The following SENP5 variants were observed in gnomAD, a reference collection of about 807,000 sequenced individuals.
The protein encoded by SENP5 is SUMO specific peptidase 5.
Under a neutral mutation model 74.2 loss-of-function variants are expected in SENP5, and 21 were observed. The observed-to-expected ratio is 0.28, with a 90% CI of 0.20 to 0.41. The LOEUF (loss-of-function observed/expected upper bound fraction) is 0.41, where lower values mean the gene tolerates loss of function less well. SENP5 is among the 10% of genes least tolerant of loss of function. The probability of loss-of-function intolerance (pLI) is 1.00; values close to 1 mark genes in which losing one functional copy is unlikely to be tolerated. For synonymous variants in SENP5, 311 were observed against 312.7 expected (o/e 0.99, Z 0.06); for missense variants, 717 against 889.1 (o/e 0.81, Z 2.46).
At chr3:196,916,527 CT>C (rs36159681) in intron 6 of SENP5, among the ~76,000 whole-genome samples, 298 of 143,250 alleles carry the variant, frequency 2.1e-3, no homozygotes, top group Middle Eastern at 3.6e-3. Context: ...AAGAGATTGA[CT>C]TTTTTTTTTT....
At chr3:196,903,007 A>G (rs1714759916) in intron 5 of SENP5, among the ~76,000 whole-genome samples, 1 of 152,076 alleles carries the variant, frequency 6.6e-6, no homozygotes, top group Non-Finnish European at 1.5e-5. Flanking sequence ...ACTTGATTGG[A>G]TTCAGGTAGT....
chr3:196,931,607 G>A lies in SENP5; in HGVS notation c.*684G>A. On this transcript the variant is annotated 3_prime_UTR_variant, in exon 10 of 10. Coordinates refer to ENST00000323460, the MANE Select transcript of SENP5 (RefSeq NM_152699.5). ...AGCAACCTTGGAGGCCAGTAACAAT[G>A]ACAGATTTCAATCGTGGTTTTAGGA... is the stretch of plus-strand genomic sequence containing the variant. The A allele has an allele frequency of 8.1e-6, 2 of 245,916 alleles. No homozygotes were observed. Among genetic ancestry groups the A allele is most frequent in the Non-Finnish European group, 1.6e-5 (2 of 125,104 alleles). 15.2% of individuals were successfully genotyped at this position (245,916 alleles called of 1,614,324 possible).
chr3:196,928,632 A>G (rs1313303697), intron 8 of SENP5, among the ~76,000 whole-genome samples: 2 of 152,224 alleles, frequency 1.3e-5, no homozygotes, highest in Non-Finnish European at 2.9e-5. Context: ...GATCATTGAC[A>G]GGATGTTATA....
intron 2 of SENP5, among the ~76,000 whole-genome samples, chr3:196,893,164 A>G (rs1714285232): frequency 6.6e-6 from 1 of 152,250 alleles, no homozygotes; most frequent in Non-Finnish European, 1.5e-5. Flanking sequence ...AACAGTGTAC[A>G]GGGTTCCCCT....
intron 1 of SENP5, among the ~76,000 whole-genome samples, chr3:196,884,019 C>T (rs1432268780): frequency 2.6e-5 from 4 of 152,054 alleles, no homozygotes; most frequent in Admixed American, 6.6e-5. Context: ...AAATGAAGGA[C>T]GGGGAAGGGA....
In SENP5 at chr3:196,896,672, T is replaced by C. The variant is rs143895332; in HGVS notation, c.1514-2994T>C. On this transcript the variant is annotated intron_variant, in intron 2 of 9. Transcript: ENST00000323460. ...TTCACCATGTTGGCCAGGCTGGTCT[T>C]GAATTCTTGACCTCAGGTGATCCAC... Among the ~76,000 whole-genome samples the C allele has an allele frequency of 2.2e-3, 342 of 152,266 alleles. 1 individual carries two copies. Among genetic ancestry groups the C allele is most frequent in the Admixed American group, 0.017 (255 of 15,294 alleles).
intron 5 of SENP5, 116 bp from the exon 6 acceptor site, chr3:196,903,417 T>C (rs1174362742): frequency 3.4e-6 from 2 of 582,578 alleles, no homozygotes; most frequent in East Asian, 6.3e-5. Flanking sequence ...TATGAAGAAA[T>C]TTTTCCTTCC....
intron 2 of SENP5, among the ~76,000 whole-genome samples, chr3:196,894,369 C>CCG (rs955714784): frequency 6.6e-6 from 1 of 151,906 alleles, no homozygotes; most frequent in Non-Finnish European, 1.5e-5. Flanking sequence ...GTGATCCGCC[C>CCG]GCCTTATCCT....
At chr3:196,927,980 C>G in intron 8 of SENP5, 101 bp downstream of exon 8, 1 of 679,520 alleles carries the variant, frequency 1.5e-6, no homozygotes, top group Non-Finnish European at 2.5e-6. Context: ...ACAGAGATAC[C>G]AAGGAGAGCC....
intron 2 of SENP5, among the ~76,000 whole-genome samples, chr3:196,891,218 C>A (rs1197675825): frequency 6.6e-6 from 1 of 152,110 alleles, no homozygotes; most frequent in African/African-American, 2.4e-5. Flanking sequence ...TGATTTCGTT[C>A]ATTTGAAATG....
At chr3:196,916,050 C>T (rs529669592) in intron 6 of SENP5, among the ~76,000 whole-genome samples, 3 of 152,286 alleles carry the variant, frequency 2.0e-5, no homozygotes, top group African/African-American at 4.8e-5. Context: ...GAAGGCTGGG[C>T]ACCTTGGGTC....
intron 8 of SENP5, among the ~76,000 whole-genome samples, chr3:196,929,025 A>C (rs1427800489): frequency 1.3e-5 from 2 of 152,198 alleles, no homozygotes; most frequent in African/African-American, 4.8e-5. Flanking sequence ...CCTCATCTCT[A>C]CAAATAATAA....
chr3:196,928,972 G>A (rs556481955), intron 8 of SENP5, among the ~76,000 whole-genome samples: 8 of 152,102 alleles, frequency 5.3e-5, no homozygotes, highest in Non-Finnish European at 1.2e-4. Flanking sequence ...CGTGGATTGC[G>A]TGAGTCTAGG....
chr3:196,907,196 G>A (rs913876678), intron 6 of SENP5, among the ~76,000 whole-genome samples: 1 of 151,712 alleles, frequency 6.6e-6, no homozygotes, highest in Non-Finnish European at 1.5e-5. Context: ...ACGATGGGCC[G>A]GGCACAGTGG....
chr3:196,891,603 G>A (rs1714201755), intron 2 of SENP5, among the ~76,000 whole-genome samples: 1 of 152,070 alleles, frequency 6.6e-6, no homozygotes, highest in South Asian at 2.1e-4. Context: ...AATACATAGA[G>A]GGATGTATAT....
At chr3:196,898,530 G>A (rs62410822) in intron 2 of SENP5, among the ~76,000 whole-genome samples, 27,647 of 151,528 alleles carry the variant, frequency 0.18, 3,391 homozygotes, top group Non-Finnish European at 0.24. Context: ...AGGAGTTTGA[G>A]GCTGTAGTGA....
intron 6 of SENP5, chr3:196,905,222 C>T (rs1714854482): frequency 6.6e-6 from 1 of 152,154 alleles, no homozygotes; most frequent in Admixed American, 6.6e-5. Flanking sequence ...TATTGAGTAC[C>T]TGTTATGTGC....
chr3:196,919,900 G>A (rs1359032510), intron 6 of SENP5, among the ~76,000 whole-genome samples: 2 of 151,488 alleles, frequency 1.3e-5, no homozygotes, highest in Non-Finnish European at 2.9e-5. Flanking sequence ...TCATATATGT[G>A]TAGGTCTACT....
chr3:196,919,805 A>C (rs1242352251), intron 6 of SENP5, among the ~76,000 whole-genome samples: 12 of 151,246 alleles, frequency 7.9e-5, no homozygotes, highest in African/African-American at 2.7e-4. Context: ...AAAAAAAAAA[A>C]GGGAGGGATC....
Sources: allele counts gnomAD v4.1 joint callset (sites outside exome capture counted in the v4.1 genomes callset), GRCh38; gene constraint gnomAD v4.1.1; transcripts MANE v1.5; gene names NCBI Gene and HGNC (gene_info 2026-07-23, HGNC 2026-07-21).